CRABP1: variants seen among roughly 807,000 people sequenced by gnomAD.
CRABP1 encodes cellular retinoic acid binding protein 1, also known as cellular retinoic acid-binding protein 1.
In CRABP1, 9 loss-of-function variants were observed where a neutral mutation model predicts 16.4. The observed-to-expected ratio is 0.55, with a 90% CI of 0.33 to 0.96. The LOEUF is 0.96. CRABP1 is among the 40% of genes least tolerant of loss of function. The probability of loss-of-function intolerance (pLI) is 0.03; values close to 1 mark genes in which losing one functional copy is unlikely to be tolerated. For missense variants in CRABP1, 157 were observed against 186.0 expected, an observed-to-expected ratio of 0.84 and a Z score of 0.91; for synonymous variants, 72 against 70.4, an observed-to-expected ratio of 1.02 and a Z score of -0.11.
chr15:78,345,164 C>T (rs2050258519), intron 3 of CRABP1, among the ~76,000 whole-genome samples: 1 of 152,146 alleles, frequency 6.6e-6, no homozygotes, highest in Non-Finnish European at 1.5e-5. Flanking sequence ...TAGGCCTTCC[C>T]TTCCCAAGCT....
Position 78,348,087 on chromosome 15 carries a change from G to C in CRABP1, c.*110G>C, listed in dbSNP as rs2050277319. ...CCCTTTTCCCCTACCAATATTAGGT[G>C]ATCCCGTTTTCCCCATGACAATGTT... On this transcript the variant is annotated 3_prime_UTR_variant, in exon 4 of 4. Coordinates refer to ENST00000299529, the MANE Select transcript of CRABP1 (RefSeq NM_004378.3). 2.5e-5 allele frequency: 26 copies of C among 1,036,044 alleles called. 2 individuals carry two copies. The South Asian group carries it at 3.7e-4, about 15-fold the overall frequency. The allele number at this position is 1,036,044 out of a possible 1,614,324, so 64.2% of individuals were successfully genotyped here. A position where few individuals can be genotyped will look rare whatever the true frequency, so the allele number is the denominator to read the frequency against.
rs768355161 is a variant in CRABP1, at chr15:78,340,379, T to G, written c.-50T>G. On this transcript the variant is annotated 5_prime_UTR_variant, in exon 1 of 4. Coordinates refer to ENST00000299529, the MANE Select transcript of CRABP1 (RefSeq NM_004378.3). ...GTCTCCGCCTTGCGAGCTCAGAGTGTGCCCGCTGCGCCGCCGCTGTCCGTA... is the reference window on the plus strand; with the variant it reads ...GTCTCCGCCTTGCGAGCTCAGAGTGGGCCCGCTGCGCCGCCGCTGTCCGTA... 29 of 1,553,158 alleles carry G rather than the reference T, an allele frequency of 1.9e-5. No homozygotes were observed. Among genetic ancestry groups the G allele is most frequent in the Non-Finnish European group, 2.5e-5 (29 of 1,148,506 alleles).
Position 78,340,448 on chromosome 15 carries a change from C to T in CRABP1, c.20C>T (p.Thr7Ile), listed in dbSNP as rs2050225719. Reference protein sequence around the residue: MPNFAGTWKMRSSENFD... With the variant: MPNFAGIWKMRSSENFD... ...GCCACCATGCCCAACTTCGCCGGCA[C>T]CTGGAAGATGCGCAGCAGCGAGAAT... is the stretch of plus-strand genomic sequence containing the variant. Residue 7 changes from threonine (T) to isoleucine (I), a missense_variant, in exon 1 of 4, where the codon ACC (threonine) becomes ATC (isoleucine). Coordinates refer to ENST00000299529, the MANE Select transcript of CRABP1 (RefSeq NM_004378.3). The T allele has an allele frequency of 3.1e-6, 5 of 1,603,972 alleles. No homozygotes were observed. The highest frequency in any genetic ancestry group is 4.2e-6 in the Non-Finnish European group (5 of 1,176,832).
At chr15:78,345,751 T>G (rs574724532) in intron 3 of CRABP1, among the ~76,000 whole-genome samples, 31 of 152,328 alleles carry the variant, frequency 2.0e-4, no homozygotes, top group African/African-American at 6.3e-4. Context: ...GAGTATTAAC[T>G]CTTGGCATTT....
intron 3 of CRABP1, among the ~76,000 whole-genome samples, chr15:78,344,749 CAA>C (rs34209403): frequency 0.11 from 10,602 of 96,814 alleles, 1,431 homozygotes; most frequent in African/African-American, 0.32. Context: ...CCTATCTCTA[CAA>C]AAAAAAAAAA....
intron 3 of CRABP1, among the ~76,000 whole-genome samples, chr15:78,344,584 A>G (rs377709754): frequency 6.6e-6 from 1 of 152,048 alleles, no homozygotes; most frequent in East Asian, 1.9e-4. Flanking sequence ...TTTTTTAGGT[A>G]GAGAACAAAG....
At chr15:78,346,407 T>TGGG (rs2050265898) in intron 3 of CRABP1, among the ~76,000 whole-genome samples, 1 of 152,220 alleles carries the variant, frequency 6.6e-6, no homozygotes, top group Non-Finnish European at 1.5e-5. Context: ...TGGCTCACGC[T>TGGG]TGTAATCCCA....
intron 3 of CRABP1, among the ~76,000 whole-genome samples, chr15:78,345,013 C>T (rs1162600234): frequency 1.3e-5 from 2 of 152,066 alleles, no homozygotes; most frequent in East Asian, 3.8e-4. Flanking sequence ...TTTTGGGTAA[C>T]CAGGAAATTA....
In CRABP1 at chr15:78,347,939, G is replaced by A. The variant is rs1265380738; in HGVS notation, c.376G>A (p.Asp126Asn). The A allele has an allele frequency of 7.4e-6, 12 of 1,613,962 alleles. No homozygotes were observed. The highest frequency in any genetic ancestry group is 1.7e-5 in the Admixed American group (1 of 59,968). Residue 126 changes from aspartate (D) to asparagine (N), a missense_variant, in exon 4 of 4, where the codon GAT becomes AAT. Asp to Asn is a conservative substitution (Grantham distance 23). Transcript: ENST00000299529. ...NDELILTFGA[D>N]DVVCTRIYVR... ...TTCTTCTCTGCAGACGTTTGGCGCCGATGACGTGGTCTGCACCAGAATTTA... is the reference window on the plus strand; with the variant it reads ...TTCTTCTCTGCAGACGTTTGGCGCCAATGACGTGGTCTGCACCAGAATTTA...
chr15:78,341,029 T>C lies in CRABP1; in HGVS notation c.71-14T>C. The C allele has an allele frequency of 6.2e-7, 1 of 1,601,136 alleles. No homozygotes were observed. The highest frequency in any genetic ancestry group is 8.5e-7 in the Non-Finnish European group (1 of 1,176,998). ...GAGGCCCCGTGACCCAAGCCTGTGG[T>C]GCACCCTGCGCAGGTGTGAACGCCA... is the stretch of plus-strand genomic sequence containing the variant. On this transcript the variant is annotated splice_polypyrimidine_tract_variant and intron_variant, in intron 1 of 3. Coordinates refer to ENST00000299529, the MANE Select transcript of CRABP1 (RefSeq NM_004378.3). The surrounding 1 kb of genome is among the most constrained non-coding windows in gnomAD (Gnocchi z 5.3).
At chr15:78,340,553 T>G in intron 1 of CRABP1, 55 bp downstream of exon 1, 1 of 1,573,100 alleles carries the variant, frequency 6.4e-7, no homozygotes, top group Non-Finnish European at 8.6e-7. Flanking sequence ...GGAGGTGCCC[T>G]GGTCCCGGAA....
At chr15:78,340,632 C>A in intron 1 of CRABP1, 134 bp downstream of exon 1, 1 of 975,984 alleles carries the variant, frequency 1.0e-6, no homozygotes, top group Non-Finnish European at 1.5e-6. Context: ...GGCAATAGAT[C>A]GCCTTGTCTC....
chr15:78,341,358 A>C lies in CRABP1; in HGVS notation c.249+137A>C. ...CAGGGTGTGTACACTGGCTGTTTGC[A>C]GAGGGGGTTTGTGCATCCTAGTTGC... On this transcript the variant is annotated intron_variant, in intron 2 of 3. Coordinates refer to ENST00000299529, the MANE Select transcript of CRABP1 (RefSeq NM_004378.3). This position sits in a 1 kb window ranked among gnomAD's most constrained non-coding sequence, Gnocchi z 5.3. 1 of 989,362 alleles carries C rather than the reference A, an allele frequency of 1.0e-6. No individual in the cohort carries two copies. The highest frequency in any genetic ancestry group is 1.6e-6 in the Non-Finnish European group (1 of 640,972). The allele number at this position is 989,362 out of a possible 1,614,324, so 61.3% of individuals were successfully genotyped here. A position where few individuals can be genotyped will look rare whatever the true frequency, so the allele number is the denominator to read the frequency against.
At chr15:78,340,581 G>T (rs1367019854) in intron 1 of CRABP1, 83 bp downstream of exon 1, 3 of 1,503,472 alleles carry the variant, frequency 2.0e-6, no homozygotes, top group African/African-American at 1.4e-5. Flanking sequence ...GGTCCTGGAG[G>T]GGGTGGAAGT....
chr15:78,345,238 T>C (rs2050259063), intron 3 of CRABP1, among the ~76,000 whole-genome samples: 1 of 152,172 alleles, frequency 6.6e-6, no homozygotes, highest in African/African-American at 2.4e-5. Context: ...CTCTCAGCCT[T>C]GAAATTACAT....
intron 3 of CRABP1, among the ~76,000 whole-genome samples, chr15:78,346,024 G>A (rs928812744): frequency 2.0e-5 from 3 of 152,134 alleles, no homozygotes; most frequent in Admixed American, 6.5e-5. Context: ...TGAGAAGGGC[G>A]CTTCAAATGT....
chr15:78,342,353 T>A (rs780740375), intron 2 of CRABP1, among the ~76,000 whole-genome samples: 8 of 151,824 alleles, frequency 5.3e-5, no homozygotes, highest in Admixed American at 1.3e-4. Flanking sequence ...TGTTGGCTAC[T>A]GCCAGGAAGG....
chr15:78,342,376 TA>T (rs375860363), intron 2 of CRABP1, among the ~76,000 whole-genome samples: 5,726 of 147,248 alleles, frequency 0.039, 365 homozygotes, highest in African/African-American at 0.13. Flanking sequence ...AATTCTGATT[TA>T]AAAAAAAAAA....
At chr15:78,340,572 G>C in intron 1 of CRABP1, 74 bp downstream of exon 1, 2 of 1,525,282 alleles carry the variant, frequency 1.3e-6, no homozygotes, top group Non-Finnish European at 1.8e-6. Flanking sequence ...AAGTGCCCCG[G>C]TCCTGGAGGG....
Sources: allele counts gnomAD v4.1 joint callset (sites outside exome capture counted in the v4.1 genomes callset), GRCh38; gene constraint gnomAD v4.1.1; non-coding constraint Gnocchi (gnomAD v3.1); transcripts MANE v1.5; gene names NCBI Gene and HGNC (gene_info 2026-07-23, HGNC 2026-07-21).